The following CCDC141 variants were observed in gnomAD, a reference collection of about 807,000 sequenced individuals.
CCDC141 encodes coiled-coil domain containing 141.
A neutral mutation model predicts 181.0 loss-of-function variants in CCDC141; 168 were observed. That is an observed-to-expected ratio of 0.93 (90% CI 0.82 to 1.05). CCDC141 has a LOEUF of 1.05. Among genes scored for constraint, CCDC141 ranks in the 50% least tolerant of loss-of-function variants. The pLI, the probability that CCDC141 is intolerant of heterozygous loss-of-function variation, is 0.00. For synonymous variants in CCDC141, 666 were observed against 642.3 expected, an observed-to-expected ratio of 1.04 and a Z score of -0.56; for missense variants, 1,902 against 1,788.5, an observed-to-expected ratio of 1.06 and a Z score of -1.14.
rs747148402 is a variant in CCDC141, at chr2:178,853,528, G to A, written c.3157C>T (p.Gln1053Ter). Residue 1053 changes from glutamine to a stop codon, truncating the protein, a stop_gained, in exon 20 of 24, where the codon CAG (glutamine) becomes TAG (stop). Coordinates refer to ENST00000443758, the MANE Select transcript of CCDC141 (RefSeq NM_173648.4). LOFTEE classifies it high-confidence loss of function. ...KTKEAVKILH[Q>*]QFNKFIAPSV... ...GGTGCAATAAACTTATTAAACTGCT[G>A]GTGGAGAATTTTCACAGCTTCCTTT... is the stretch of plus-strand genomic sequence containing the variant. 2 of 1,614,030 alleles carry A rather than the reference G, an allele frequency of 1.2e-6. No homozygotes were observed. Among genetic ancestry groups the A allele is most frequent in the Non-Finnish European group, 1.7e-6 (2 of 1,179,946 alleles).
chr2:178,854,506 A>T (rs1257580645), intron 19 of CCDC141, among the ~76,000 whole-genome samples: 1 of 152,220 alleles, frequency 6.6e-6, no homozygotes, highest in Admixed American at 6.5e-5. Flanking sequence ...CCTGGGAAAC[A>T]GAGCGACACT....
chr2:178,896,928 C>A (rs529173516), intron 8 of CCDC141, among the ~76,000 whole-genome samples: 1 of 151,932 alleles, frequency 6.6e-6, no homozygotes, highest in Admixed American at 6.6e-5. Flanking sequence ...GTACCTCCCC[C>A]CTCACTTTGT....
intron 11 of CCDC141, among the ~76,000 whole-genome samples, chr2:178,880,348 A>C (rs1483079327): frequency 1.3e-5 from 2 of 152,108 alleles, no homozygotes; most frequent in African/African-American, 4.8e-5. Flanking sequence ...GAATTTCAGG[A>C]GGTAATGTGA....
At chr2:178,985,477 T>G (rs1328880568) in intron 2 of CCDC141, among the ~76,000 whole-genome samples, 1 of 141,790 alleles carries the variant, frequency 7.1e-6, no homozygotes, top group Non-Finnish European at 1.6e-5. Context: ...AGAGCAGAAC[T>G]GAAGGAAATA....
At chr2:179,022,997 A>T (rs1046758601) in intron 2 of CCDC141, among the ~76,000 whole-genome samples, 2 of 152,142 alleles carry the variant, frequency 1.3e-5, no homozygotes. Flanking sequence ...CTCATACTAC[A>T]GTTAATGATT....
intron 4 of CCDC141, among the ~76,000 whole-genome samples, chr2:178,970,607 A>G (rs944367620): frequency 5.9e-5 from 9 of 152,224 alleles, no homozygotes; most frequent in African/African-American, 1.9e-4. Context: ...TACACCTTAT[A>G]TGAAAATCAA....
intron 6 of CCDC141, among the ~76,000 whole-genome samples, chr2:178,935,222 G>T (rs1689237494): frequency 6.6e-6 from 1 of 151,982 alleles, no homozygotes; most frequent in African/African-American, 2.4e-5. Context: ...TCATCACCCA[G>T]GTATTAAGCC....
At chr2:178,963,398 A>T (rs1163594194) in intron 4 of CCDC141, among the ~76,000 whole-genome samples, 1 of 152,136 alleles carries the variant, frequency 6.6e-6, no homozygotes, top group Non-Finnish European at 1.5e-5. Context: ...AAAGAATAAC[A>T]GCGTCAAATA....
chr2:178,897,288 T>C (rs1194549944), intron 8 of CCDC141, among the ~76,000 whole-genome samples: 1 of 152,158 alleles, frequency 6.6e-6, no homozygotes, highest in Non-Finnish European at 1.5e-5. Context: ...TGGAAACAAC[T>C]GATTTACAAA....
At chr2:178,917,429 CA>C (rs1276258671) in intron 7 of CCDC141, among the ~76,000 whole-genome samples, 2 of 152,024 alleles carry the variant, frequency 1.3e-5, no homozygotes, top group Non-Finnish European at 2.9e-5. Flanking sequence ...TTTATTTTTT[CA>C]AAAAGTTTCT....
intron 2 of CCDC141, among the ~76,000 whole-genome samples, chr2:179,006,181 A>C (rs1448593785): frequency 6.6e-6 from 1 of 152,242 alleles, no homozygotes; most frequent in East Asian, 1.9e-4. Flanking sequence ...CCCCTGAACA[A>C]AGACCAGCTT....
chr2:178,869,380 C>G, intron 14 of CCDC141, 75 bp from the exon 15 acceptor site: 1 of 1,015,194 alleles, frequency 9.9e-7, no homozygotes, highest in East Asian at 2.7e-5. Context: ...ATATAAAGGT[C>G]TAAACAATGA....
chr2:178,996,472 C>T (rs1559036757), intron 2 of CCDC141, among the ~76,000 whole-genome samples: 1 of 152,104 alleles, frequency 6.6e-6, no homozygotes, highest in Non-Finnish European at 1.5e-5. Flanking sequence ...CATGTAACTT[C>T]CCAGTAATAT....
intron 8 of CCDC141, among the ~76,000 whole-genome samples, chr2:178,898,757 A>G (rs1687534812): frequency 2.0e-5 from 3 of 152,190 alleles, no homozygotes; most frequent in Admixed American, 2.0e-4. Flanking sequence ...TCTCAGATTT[A>G]CTAAGGAGGC....
intron 20 of CCDC141, among the ~76,000 whole-genome samples, chr2:178,851,541 C>A (rs900605987): frequency 2.6e-5 from 4 of 152,106 alleles, no homozygotes; most frequent in Non-Finnish European, 5.9e-5. Context: ...GGGATGACCA[C>A]GTGAAGAGGC....
rs939879249 is a variant in CCDC141, at chr2:178,980,595, C to T, written c.226-1920G>A. ...GTAGAAAAGCTTTGAGATATTTTTA[C>T]GTGCCCTTGCTCTACCCCTCCTGGG... On this transcript the variant is annotated intron_variant, in intron 2 of 23. Transcript: ENST00000443758. 5.9e-5 allele frequency among the ~76,000 whole-genome samples: 9 copies of T among 152,248 alleles called. No homozygotes were observed. The South Asian group carries it at 8.3e-4, about 14-fold the overall frequency.
At position 178,905,574 on chromosome 2, in the gene CCDC141, T is replaced by C. The variant is rs990071657; in HGVS notation, c.1093-73A>G. Reference sequence around the variant, plus strand: ...CTACATCAACGTGTACACAAAACACTGGCAATTAAATCAGGCCAAACAATT... The same window carrying C: ...CTACATCAACGTGTACACAAAACACCGGCAATTAAATCAGGCCAAACAATT... On this transcript the variant is annotated intron_variant, in intron 7 of 23. Transcript: ENST00000443758. 3 of 1,308,474 alleles carry C rather than the reference T, an allele frequency of 2.3e-6. No homozygotes were observed. In the African/African-American group the frequency reaches 4.5e-5, roughly 20 times the overall value. The allele number at this position is 1,308,474 out of a possible 1,614,324, so 81.1% of individuals were successfully genotyped here. A position where few individuals can be genotyped will look rare whatever the true frequency, so the allele number is the denominator to read the frequency against.
At chr2:178,940,024 A>G (rs559334134) in intron 6 of CCDC141, among the ~76,000 whole-genome samples, 26 of 152,362 alleles carry the variant, frequency 1.7e-4, no homozygotes, top group African/African-American at 5.8e-4. Flanking sequence ...TTAATATGTT[A>G]AAAAGAATAT....
At chr2:178,904,397 C>T (rs1023232975) in intron 8 of CCDC141, among the ~76,000 whole-genome samples, 6 of 152,168 alleles carry the variant, frequency 3.9e-5, no homozygotes, top group African/African-American at 1.4e-4. Context: ...GAATGTTCCC[C>T]AAACCCAAAG....
Sources: allele counts gnomAD v4.1 joint callset (sites outside exome capture counted in the v4.1 genomes callset), GRCh38; gene constraint gnomAD v4.1.1; transcripts MANE v1.5; gene names NCBI Gene and HGNC (gene_info 2026-07-23, HGNC 2026-07-21).